AHI1: variants seen among roughly 807,000 people sequenced by gnomAD.
AHI1 encodes Abelson helper integration site 1, also known as jouberin.
In AHI1, 123 loss-of-function variants were observed where a neutral mutation model predicts 149.3. The ratio of observed to expected loss-of-function variants is 0.82; its 90% CI spans 0.71 to 0.96. The LOEUF is 0.96. Ranked by LOEUF, AHI1 falls within the 40% of genes least tolerant of loss-of-function variation. AHI1 has a pLI of 0.00. For missense variants in AHI1, 1,439 were observed against 1,422.7 expected (o/e 1.01, Z -0.18); for synonymous variants, 475 against 459.8 (o/e 1.03, Z -0.42).
At chr6:135,388,115 G>A in intron 23 of AHI1, 2 of 1,447,912 alleles carry the variant, frequency 1.4e-6, no homozygotes, top group East Asian at 2.3e-5. Flanking sequence ...GACATTTAAG[G>A]GCATCTGCCT....
chr6:135,408,235 G>A (rs1302011778), intron 21 of AHI1, among the ~76,000 whole-genome samples: 1 of 152,038 alleles, frequency 6.6e-6, no homozygotes, highest in Non-Finnish European at 1.5e-5. Flanking sequence ...TAAATCTGTT[G>A]GTGAGTTGTT....
chr6:135,307,410 A>C (rs956906191), intron 26 of AHI1, among the ~76,000 whole-genome samples: 9 of 152,180 alleles, frequency 5.9e-5, no homozygotes, highest in African/African-American at 2.2e-4. Context: ...AATTAACATT[A>C]GTCAATAGAT....
chr6:135,438,554 T>C (rs1030988454), intron 14 of AHI1, 56 bp from the exon 15 acceptor site: 107 of 1,295,362 alleles, frequency 8.3e-5, no homozygotes, highest in Middle Eastern at 2.6e-4. Context: ...AATCCAATAA[T>C]ATACAAATAT....
At chr6:135,359,999 G>C (rs1225820388) in intron 23 of AHI1, among the ~76,000 whole-genome samples, 1 of 151,916 alleles carries the variant, frequency 6.6e-6, no homozygotes, top group Non-Finnish European at 1.5e-5. Flanking sequence ...TATAATCTTA[G>C]TTTTAAATTT....
intron 24 of AHI1, among the ~76,000 whole-genome samples, chr6:135,330,308 C>T (rs1240340400): frequency 6.6e-6 from 1 of 152,064 alleles, no homozygotes; most frequent in Admixed American, 6.5e-5. Flanking sequence ...GCCACAGTCA[C>T]CACAACCTTC....
intron 8 of AHI1, among the ~76,000 whole-genome samples, chr6:135,460,160 G>C (rs777273087): frequency 2.4e-4 from 37 of 152,106 alleles, no homozygotes; most frequent in Non-Finnish European, 4.4e-5. Context: ...TCCAGCCTGA[G>C]TGACAGGGCA....
chr6:135,427,272 T>A lies in AHI1; in HGVS notation c.2659A>T (p.Lys887Ter). The A allele has an allele frequency of 6.2e-7, 1 of 1,610,204 alleles. No individual in the cohort carries two copies. The highest frequency in any genetic ancestry group is 8.5e-7 in the Non-Finnish European group (1 of 1,177,554). ...QVAMYSDLPF[K>*]SPIRDISYHP... The stretch of plus-strand genomic sequence containing the variant: ...TAAGAAATGTCTCGAATGGGTGACT[T>A]GAATGGCAAGTCAGAATACATGGCT... Residue 887 changes from lysine (K) to a stop codon, truncating the protein, a stop_gained, in exon 20 of 29, where the codon AAG (lysine) becomes TAG (stop). Coordinates refer to ENST00000265602, the MANE Select transcript of AHI1 (RefSeq NM_001134831.2). LOFTEE classifies it high-confidence loss of function.
chr6:135,472,218 C>G (rs1299168352), intron 5 of AHI1, among the ~76,000 whole-genome samples: 2 of 152,090 alleles, frequency 1.3e-5, no homozygotes, highest in African/African-American at 4.8e-5. Flanking sequence ...TCTGACCCTA[C>G]TCAACCACTG....
intron 23 of AHI1, among the ~76,000 whole-genome samples, chr6:135,378,303 T>C (rs1027555787): frequency 6.6e-6 from 1 of 152,224 alleles, no homozygotes; most frequent in Non-Finnish European, 1.5e-5. Context: ...AATGAATACA[T>C]AAAGTTAGCA....
intron 5 of AHI1, chr6:135,489,872 A>G (rs1794999264): frequency 8.1e-6 from 2 of 247,130 alleles, no homozygotes; most frequent in South Asian, 3.1e-4. Context: ...ATGTAGGATT[A>G]TAACTCATTA....
intron 23 of AHI1, among the ~76,000 whole-genome samples, chr6:135,380,918 A>C (rs1377666404): frequency 4.6e-5 from 7 of 152,144 alleles, no homozygotes; most frequent in Admixed American, 4.6e-4. Flanking sequence ...TTAAACTTTG[A>C]ACATAAGCAT....
At chr6:135,385,481 G>A (rs1478700787) in intron 23 of AHI1, among the ~76,000 whole-genome samples, 1 of 152,164 alleles carries the variant, frequency 6.6e-6, no homozygotes, top group Non-Finnish European at 1.5e-5. Flanking sequence ...AGCAAGATAA[G>A]AACAAAGAAT....
chr6:135,468,955 A>G (rs112586870), intron 5 of AHI1, among the ~76,000 whole-genome samples: 1,851 of 152,286 alleles, frequency 0.012, 44 homozygotes, highest in African/African-American at 0.042. Flanking sequence ...CATTTCTACT[A>G]AAACTATTCC....
At chr6:135,465,079 A>G (rs1790524163) in intron 7 of AHI1, among the ~76,000 whole-genome samples, 1 of 152,186 alleles carries the variant, frequency 6.6e-6, no homozygotes, top group African/African-American at 2.4e-5. Context: ...AAAGAGGGGA[A>G]TTATTTTTGG....
intron 10 of AHI1, 62 bp downstream of exon 10, chr6:135,455,672 T>G (rs551583410): frequency 1.2e-3 from 1,451 of 1,236,746 alleles, no homozygotes; most frequent in Non-Finnish European, 1.5e-3. Flanking sequence ...AAATAATAGC[T>G]TACATTTGTG....
In AHI1 at chr6:135,329,460, G is replaced by C. The variant is rs560062113; in HGVS notation, c.3166-6136C>G. ...AATGGAAGAACAAATCTAGATGATA[G>C]CCCATCCATCTACAGCACAGTTTAA... On this transcript the variant is annotated intron_variant, in intron 24 of 28. Coordinates refer to ENST00000265602, the MANE Select transcript of AHI1 (RefSeq NM_001134831.2). 3.9e-5 allele frequency among the ~76,000 whole-genome samples: 6 copies of C among 152,228 alleles called. No homozygotes were observed. The South Asian group carries it at 8.3e-4, about 21-fold the overall frequency.
intron 27 of AHI1, among the ~76,000 whole-genome samples, chr6:135,295,038 A>G (rs1380969866): frequency 2.6e-5 from 4 of 152,240 alleles, no homozygotes; most frequent in African/African-American, 9.6e-5. Context: ...TAGTTGATAA[A>G]GAACATATTT....
intron 20 of AHI1, among the ~76,000 whole-genome samples, chr6:135,424,859 G>A (rs1783714916): frequency 6.6e-6 from 1 of 151,602 alleles, no homozygotes; most frequent in Admixed American, 6.6e-5. Context: ...AGTCTTTTGT[G>A]TTTTTTGAAT....
At chr6:135,325,649 T>C (rs1219399858) in intron 24 of AHI1, among the ~76,000 whole-genome samples, 1 of 152,190 alleles carries the variant, frequency 6.6e-6, no homozygotes, top group Non-Finnish European at 1.5e-5. Context: ...AATCAAGACT[T>C]AAACCCAGTC....
Sources: allele counts gnomAD v4.1 joint callset (sites outside exome capture counted in the v4.1 genomes callset), GRCh38; gene constraint gnomAD v4.1.1; transcripts MANE v1.5; gene names NCBI Gene and HGNC (gene_info 2026-07-23, HGNC 2026-07-21).